Variants in HDGFL3 observed in about 807,000 individuals in gnomAD.
HDGFL3 encodes HDGF like 3.
Under a neutral mutation model 27.6 loss-of-function variants are expected in HDGFL3, and 6 were observed. The ratio of observed to expected loss-of-function variants is 0.22; its 90% CI spans 0.12 to 0.43. The LOEUF (loss-of-function observed/expected upper bound fraction) is 0.43. Among genes scored for constraint, HDGFL3 ranks in the 20% least tolerant of loss-of-function variants. The probability of loss-of-function intolerance (pLI) is 1.00; values close to 1 mark genes in which losing one functional copy is unlikely to be tolerated. For missense variants in HDGFL3, 207 were observed against 250.1 expected (o/e 0.83, Z 1.16); for synonymous variants, 88 against 88.9 (o/e 0.99, Z 0.05).
chr15:83,206,153 T>C (rs1399164871), intron 1 of HDGFL3, among the ~76,000 whole-genome samples: 1 of 152,240 alleles, frequency 6.6e-6, no homozygotes, highest in Non-Finnish European at 1.5e-5. Context: ...ATTATGTCCA[T>C]CCATTACTTC....
At chr15:83,139,369 G>T in intron 5 of HDGFL3, 94 bp from the exon 6 acceptor site, 1 of 719,828 alleles carries the variant, frequency 1.4e-6, no homozygotes, top group Non-Finnish European at 2.0e-6. Flanking sequence ...ACATAATTGG[G>T]TTTTCTGAAA....
At chr15:83,121,826 TAGTTTGAATACAAAATAATATTG>T (rs2035280432) in intron 3 of HDGFL3, 3 of 877,214 alleles carry the variant, frequency 3.4e-6, no homozygotes, top group Non-Finnish European at 3.7e-6. Context: ...TGTACTTTAC[TAGTTTGAATACAAAATAATATTG>T]AAGATCATTT....
At chr15:83,203,825 G>A (rs2037682342) in intron 1 of HDGFL3, among the ~76,000 whole-genome samples, 1 of 151,034 alleles carries the variant, frequency 6.6e-6, no homozygotes, top group Non-Finnish European at 1.5e-5. Context: ...GTATATAGTA[G>A]TAACAGAAAG....
At chr15:83,119,753 T>C in intron 3 of HDGFL3, 4 of 1,601,144 alleles carry the variant, frequency 2.5e-6, no homozygotes, top group South Asian at 2.2e-5. Flanking sequence ...GGAAACGTTA[T>C]GCATAGAGGC....
intron 4 of HDGFL3, among the ~76,000 whole-genome samples, chr15:83,154,459 C>T (rs1401805596): frequency 6.6e-6 from 1 of 152,102 alleles, no homozygotes; most frequent in Admixed American, 6.5e-5. Context: ...GTTCCCAGAT[C>T]AGCAGGATAA....
intron 5 of HDGFL3, among the ~76,000 whole-genome samples, chr15:83,146,283 AT>A (rs2036891313): frequency 1.3e-5 from 2 of 152,252 alleles, no homozygotes; most frequent in South Asian, 4.2e-4. Context: ...TTAGGTTATT[AT>A]TAAGAACTCT....
At position 83,139,248 on chromosome 15, in the gene HDGFL3, TA is replaced by T; in HGVS notation, c.*21del. The T allele has an allele frequency of 7.0e-7, 1 of 1,424,094 alleles. No individual in the cohort carries two copies. 88.2% of individuals were successfully genotyped at this position (1,424,094 alleles called of 1,614,324 possible). ...ATAACCTTCTTGTGGTTTCTCTTAA[TA>T]TGCAGCATTCATTATGGTAGTTAGG... is the stretch of plus-strand genomic sequence containing the variant. On this transcript the variant is annotated 3_prime_UTR_variant, in exon 6 of 6. Coordinates refer to ENST00000299633, the MANE Select transcript of HDGFL3 (RefSeq NM_016073.4).
At position 83,207,348 on chromosome 15, in the gene HDGFL3, G is replaced by T; in HGVS notation, c.67C>A (p.Pro23Thr). ...GTACTCACCCGGGCCGGCCAGTGCG[G>T]GTAGCCCTTCATCTTGGCGAAGACC... ...DLVFAKMKGY[P>T]HWPARIDELP... Residue 23 changes from proline (P) to threonine (T), a missense_variant, in exon 1 of 6, where the codon CCG becomes ACG. Physicochemically the swap from Pro to Thr is conservative, Grantham distance 38. Coordinates refer to ENST00000299633, the MANE Select transcript of HDGFL3 (RefSeq NM_016073.4). The surrounding 1 kb of genome is among the most constrained non-coding windows in gnomAD (Gnocchi z 4.8). 1 of 1,402,100 alleles carries T rather than the reference G, an allele frequency of 7.1e-7. No homozygotes were observed. Among genetic ancestry groups the T allele is most frequent in the South Asian group, 1.8e-5 (1 of 56,832 alleles). 86.9% of individuals were successfully genotyped at this position (1,402,100 alleles called of 1,614,324 possible).
chr15:83,167,668 C>A (rs572981330), intron 1 of HDGFL3, among the ~76,000 whole-genome samples: 1 of 152,056 alleles, frequency 6.6e-6, no homozygotes, highest in Non-Finnish European at 1.5e-5. Context: ...ATTGGAGCAC[C>A]CAGATTCGTA....
chr15:83,193,750 G>C (rs867666245), intron 1 of HDGFL3, among the ~76,000 whole-genome samples: 3 of 152,114 alleles, frequency 2.0e-5, no homozygotes, highest in Non-Finnish European at 2.9e-5. Context: ...CCTTTTTCTA[G>C]GAATTTCTGC....
At chr15:83,119,656 G>C in intron 3 of HDGFL3, 2 of 1,614,194 alleles carry the variant, frequency 1.2e-6, no homozygotes, top group Non-Finnish European at 1.7e-6. Context: ...GATGTACCTG[G>C]TGATGGTGGC....
chr15:83,139,252 C>G lies in HDGFL3; in HGVS notation c.*18G>C. The G allele has an allele frequency of 7.0e-7, 1 of 1,423,976 alleles. No homozygotes were observed. Among genetic ancestry groups the G allele is most frequent in the Non-Finnish European group, 9.4e-7 (1 of 1,068,372 alleles). The allele number at this position is 1,423,976 out of a possible 1,614,324, so 88.2% of individuals were successfully genotyped here. A position where few individuals can be genotyped will look rare whatever the true frequency, so the allele number is the denominator to read the frequency against. Reference sequence around the variant, plus strand: ...CCTTCTTGTGGTTTCTCTTAATATGCAGCATTCATTATGGTAGTTAGGTCT... The same window carrying G: ...CCTTCTTGTGGTTTCTCTTAATATGGAGCATTCATTATGGTAGTTAGGTCT... On this transcript the variant is annotated 3_prime_UTR_variant, in exon 6 of 6. Coordinates refer to ENST00000299633, the MANE Select transcript of HDGFL3 (RefSeq NM_016073.4).
At chr15:83,152,052 T>C (rs570014739) in intron 4 of HDGFL3, among the ~76,000 whole-genome samples, 7 of 152,218 alleles carry the variant, frequency 4.6e-5, no homozygotes, top group African/African-American at 7.2e-5. Flanking sequence ...ATTAAAATTA[T>C]AGAAAGCTGG....
chr15:83,169,572 C>T (rs867043019), intron 1 of HDGFL3, among the ~76,000 whole-genome samples: 5 of 151,834 alleles, frequency 3.3e-5, no homozygotes, highest in African/African-American at 1.2e-4. Flanking sequence ...GAGGCCGAGG[C>T]GGGAGGGTAA....
chr15:83,118,284 G>A (rs2034888255), intron 3 of HDGFL3, among the ~76,000 whole-genome samples: 1 of 152,062 alleles, frequency 6.6e-6, no homozygotes, highest in African/African-American at 2.4e-5. Flanking sequence ...GAGCAAGAGA[G>A]AGAGAGGCAA....
chr15:83,136,441 G>A lies in HDGFL3; in HGVS notation c.*2829C>T, dbSNP rs1056052343. The A allele has an allele frequency of 8.5e-6, 13 of 1,535,382 alleles. No individual in the cohort carries two copies. Among genetic ancestry groups the A allele is most frequent in the Admixed American group, 2.1e-5 (1 of 47,130 alleles). ...ACTCATCATGCATCCAACTGAACAC[G>A]TTTCATGCTTACTCAATTTTTTTTT... On this transcript the variant is annotated 3_prime_UTR_variant, in exon 6 of 6. Transcript: ENST00000299633.
At chr15:83,122,717 T>C (rs754549144) in intron 3 of HDGFL3, 8 of 1,605,266 alleles carry the variant, frequency 5.0e-6, no homozygotes, top group Middle Eastern at 1.9e-4. Context: ...GTGTTAGATA[T>C]GCTTTTGGTA....
rs764436380 is a variant in HDGFL3, at chr15:83,151,203, GCA to G, written c.606+10_606+11del. On this transcript the variant is annotated intron_variant, in intron 5 of 5. Transcript: ENST00000299633. ...TAATAGAAGGTAAGAGAAATTATAA[GCA>G]CATCCTTACCCCTTCACTGGTTTTC... is the stretch of plus-strand genomic sequence containing the variant. 1 of 1,605,394 alleles carries G rather than the reference GCA, an allele frequency of 6.2e-7. No individual in the cohort carries two copies. Among genetic ancestry groups the G allele is most frequent in the Non-Finnish European group, 8.5e-7 (1 of 1,177,604 alleles).
At chr15:83,153,269 C>T (rs553195409) in intron 4 of HDGFL3, among the ~76,000 whole-genome samples, 1 of 152,210 alleles carries the variant, frequency 6.6e-6, no homozygotes, top group East Asian at 1.9e-4. Context: ...CTGCCCGCCT[C>T]GGCCTCCCAA....
Sources: allele counts gnomAD v4.1 joint callset (sites outside exome capture counted in the v4.1 genomes callset), GRCh38; gene constraint gnomAD v4.1.1; non-coding constraint Gnocchi (gnomAD v3.1); transcripts MANE v1.5; gene names NCBI Gene and HGNC (gene_info 2026-07-23, HGNC 2026-07-21).